Variants in CLVS1 observed in about 807,000 individuals in gnomAD.
CLVS1 encodes clavesin-1.
CLVS1 carries 10 observed loss-of-function variants against 33.1 expected under a neutral mutation model. The ratio of observed to expected loss-of-function variants is 0.30; its 90% CI spans 0.19 to 0.51. The LOEUF (loss-of-function observed/expected upper bound fraction) is 0.51. CLVS1 is among the 20% of genes least tolerant of loss of function. The probability of loss-of-function intolerance (pLI) is 0.97; values close to 1 mark genes in which losing one functional copy is unlikely to be tolerated. For missense variants in CLVS1, 343 were observed against 433.4 expected, an observed-to-expected ratio of 0.79 and a Z score of 1.85; for synonymous variants, 163 against 166.1, an observed-to-expected ratio of 0.98 and a Z score of 0.14.
At chr8:60,992,197 G>A in the CLVS1 span, among the ~76,000 whole-genome samples, 1 of 152,170 alleles carries the variant, frequency 6.6e-6, no homozygotes, top group African/African-American at 2.4e-5. Flanking sequence ...AAGGTAATAT[G>A]TCCAATTTGT....
chr8:61,322,779 T>G (rs1213501742), intron 2 of CLVS1, among the ~76,000 whole-genome samples: 5 of 152,178 alleles, frequency 3.3e-5, no homozygotes, highest in East Asian at 3.8e-4. Context: ...ATCAATTAAT[T>G]AATAAATTAC....
At chr8:61,456,270 A>G (rs1481573281) in intron 4 of CLVS1, among the ~76,000 whole-genome samples, 1 of 152,196 alleles carries the variant, frequency 6.6e-6, no homozygotes, top group African/African-American at 2.4e-5. Flanking sequence ...TTTGTCTTTC[A>G]AAAACTGGAC....
Position 61,482,294 on chromosome 8 carries a change from T to C in CLVS1, c.978-17161T>C, listed in dbSNP as rs185260207. Among the ~76,000 whole-genome samples the C allele has an allele frequency of 5.8e-4, 89 of 152,230 alleles. 2 individuals carry two copies. The highest frequency in any genetic ancestry group is 3.9e-3 in the South Asian group (19 of 4,812). ...AAATTCTAAAAATCAGAGTGCCTCT[T>C]CTCCTCCAAAGGAATGCAGCTCCTC... On this transcript the variant is annotated intron_variant, in intron 5 of 5. Coordinates refer to ENST00000325897, the MANE Select transcript of CLVS1 (RefSeq NM_173519.3).
chr8:61,115,214 C>A (rs1046143726), intron 1 of CLVS1, among the ~76,000 whole-genome samples: 2 of 151,812 alleles, frequency 1.3e-5, no homozygotes, highest in African/African-American at 4.8e-5. Context: ...TTCTCATGAG[C>A]AAAACAAAGC....
At chr8:61,321,995 G>A (rs1005248785) in intron 2 of CLVS1, among the ~76,000 whole-genome samples, 1 of 151,986 alleles carries the variant, frequency 6.6e-6, no homozygotes, top group African/African-American at 2.4e-5. Context: ...ATATTTAGTA[G>A]TTTGTTTAAC....
At chr8:61,249,618 T>A (rs528124313) in intron 2 of CLVS1, among the ~76,000 whole-genome samples, 6 of 152,352 alleles carry the variant, frequency 3.9e-5, no homozygotes, top group Non-Finnish European at 5.9e-5. Context: ...CCATTCTAAC[T>A]GGTGTGAGAT....
chr8:61,369,653 C>T (rs377726848), intron 2 of CLVS1, among the ~76,000 whole-genome samples: 2 of 152,146 alleles, frequency 1.3e-5, no homozygotes, highest in African/African-American at 2.4e-5. Context: ...CTCCTTCACA[C>T]GTATTATTTT....
At chr8:61,398,032 C>CA (rs879372452) in intron 3 of CLVS1, among the ~76,000 whole-genome samples, 3 of 151,968 alleles carry the variant, frequency 2.0e-5, no homozygotes, top group Non-Finnish European at 4.4e-5. Flanking sequence ...AATTTTTGCA[C>CA]AAAAAAGGAG....
chr8:61,493,709 C>CT (rs1163215941), intron 5 of CLVS1, among the ~76,000 whole-genome samples: 1 of 152,218 alleles, frequency 6.6e-6, no homozygotes, highest in African/African-American at 2.4e-5. Flanking sequence ...GTTTAGAAGC[C>CT]TTTACATAGG....
At chr8:61,036,045 G>A in the CLVS1 span, among the ~76,000 whole-genome samples, 3 of 151,984 alleles carry the variant, frequency 2.0e-5, no homozygotes, top group African/African-American at 7.3e-5. Flanking sequence ...CTGCCACCAC[G>A]GCCTCCACCA....
chr8:61,214,994 T>C (rs1808054459), intron 2 of CLVS1, among the ~76,000 whole-genome samples: 1 of 152,156 alleles, frequency 6.6e-6, no homozygotes, highest in Admixed American at 6.5e-5. Flanking sequence ...ACATTGAAAA[T>C]GTTTTAGCTG....
At chr8:61,475,778 T>C (rs1280482105) in intron 5 of CLVS1, among the ~76,000 whole-genome samples, 1 of 152,230 alleles carries the variant, frequency 6.6e-6, no homozygotes, top group Non-Finnish European at 1.5e-5. Flanking sequence ...TTTCTTTTGC[T>C]GTGCAGAAGC....
intron 2 of CLVS1, among the ~76,000 whole-genome samples, chr8:61,366,903 A>T (rs922958827): frequency 1.3e-5 from 2 of 152,168 alleles, no homozygotes; most frequent in African/African-American, 4.8e-5. Flanking sequence ...ATATCAAGTA[A>T]TGTTAATATT....
intron 1 of CLVS1, among the ~76,000 whole-genome samples, chr8:61,110,653 C>T (rs997699209): frequency 6.6e-6 from 1 of 151,902 alleles, no homozygotes; most frequent in Non-Finnish European, 1.5e-5. Flanking sequence ...AACTTTTTCA[C>T]CTTGCAAAAC....
the CLVS1 span, among the ~76,000 whole-genome samples, chr8:60,996,827 ACT>A: frequency 6.6e-6 from 1 of 151,922 alleles, no homozygotes; most frequent in Non-Finnish European, 1.5e-5. Context: ...GCAACCTCTG[ACT>A]CTCCAAGGCC....
At chr8:61,241,595 C>T (rs1201327460) in intron 2 of CLVS1, among the ~76,000 whole-genome samples, 1 of 152,024 alleles carries the variant, frequency 6.6e-6, no homozygotes, top group African/African-American at 2.4e-5. Flanking sequence ...GGTTTATTTA[C>T]CTTCTCTCCA....
chr8:61,271,622 G>T, intron 2 of CLVS1, among the ~76,000 whole-genome samples: 1 of 86,744 alleles, frequency 1.2e-5, no homozygotes, highest in Non-Finnish European at 1.9e-5. Context: ...GGGTGTTGAA[G>T]TCTCCCATTA....
At chr8:61,049,014 T>C in the CLVS1 span, among the ~76,000 whole-genome samples, 1 of 152,242 alleles carries the variant, frequency 6.6e-6, no homozygotes, top group African/African-American at 2.4e-5. Context: ...GTCCAGAATT[T>C]TGAGGACTGA....
chr8:61,339,599 A>T, intron 2 of CLVS1, among the ~76,000 whole-genome samples: 1 of 152,010 alleles, frequency 6.6e-6, no homozygotes, highest in Non-Finnish European at 1.5e-5. Context: ...ATTGAGAGGT[A>T]CTCTACCAAA....
Sources: allele counts gnomAD v4.1 joint callset (sites outside exome capture counted in the v4.1 genomes callset), GRCh38; gene constraint gnomAD v4.1.1; transcripts MANE v1.5; gene names NCBI Gene and HGNC (gene_info 2026-07-23, HGNC 2026-07-21).